CD9: variants seen among roughly 807,000 people sequenced by gnomAD.
CD9 encodes the protein CD9 antigen.
In CD9, 10 loss-of-function variants were observed where a neutral mutation model predicts 31.4. The observed-to-expected ratio is 0.32, with a 90% CI of 0.20 to 0.54. The LOEUF (loss-of-function observed/expected upper bound fraction) is 0.54, where lower values mean the gene tolerates loss of function less well. Among genes scored for constraint, CD9 ranks in the 20% least tolerant of loss-of-function variants. The pLI, the probability that CD9 is intolerant of heterozygous loss-of-function variation, is 0.94. For synonymous variants in CD9, 113 were observed against 114.1 expected (o/e 0.99, Z 0.06); for missense variants, 259 against 300.1 (o/e 0.86, Z 1.01).
rs1400769006 is a variant in CD9, at chr12:6,232,269, G to A, written c.176-363G>A. 2 of 351,174 alleles carry A rather than the reference G, an allele frequency of 5.7e-6. No individual in the cohort carries two copies. Among genetic ancestry groups the A allele is most frequent in the African/African-American group, 4.3e-5 (2 of 46,788 alleles). 21.8% of individuals were successfully genotyped at this position (351,174 alleles called of 1,614,324 possible). A position where few individuals can be genotyped will look rare whatever the true frequency, so the allele number is the denominator to read the frequency against. ...AGGTATATGCTAACTAGCTTGAGTG[G>A]ATTCATCTTGCTGGAAAGAGCTGAC... On this transcript the variant is annotated intron_variant, in intron 2 of 7. Transcript: ENST00000009180. The surrounding 1 kb of genome is among the most constrained non-coding windows in gnomAD (Gnocchi z 4.8).
chr12:6,227,350 C>T (rs1483684107), intron 2 of CD9, among the ~76,000 whole-genome samples: 2 of 152,096 alleles, frequency 1.3e-5, no homozygotes, highest in Non-Finnish European at 2.9e-5. Context: ...AGGCATGTGC[C>T]ACCATGCCCA....
At chr12:6,226,559 C>T (rs1352242461) in intron 2 of CD9, among the ~76,000 whole-genome samples, 1 of 152,178 alleles carries the variant, frequency 6.6e-6, no homozygotes, top group African/African-American at 2.4e-5. Flanking sequence ...GTAGACCTTC[C>T]CTTTCCCACC....
Position 6,236,283 on chromosome 12 carries a change from G to A in CD9, c.621+8G>A. On this transcript the variant is annotated splice_region_variant and intron_variant, in intron 7 of 7. Coordinates refer to ENST00000009180, the MANE Select transcript of CD9 (RefSeq NM_001769.4). ...GGCATTGCCGTGGTCATGGTGAGTGGCAGGACGTCGTCCCAGGAGGGGGAC... is the reference window on the plus strand; with the variant it reads ...GGCATTGCCGTGGTCATGGTGAGTGACAGGACGTCGTCCCAGGAGGGGGAC... 1 of 1,613,490 alleles carries A rather than the reference G, an allele frequency of 6.2e-7. No homozygotes were observed. The highest frequency in any genetic ancestry group is 1.7e-5 in the Admixed American group (1 of 60,034).
rs1252864557 is a variant in CD9 at position 6,233,188 on chromosome 12, T to C, written c.274-224T>C. 7 of 643,026 alleles carry C rather than the reference T, an allele frequency of 1.1e-5. No homozygotes were observed. In the Admixed American group the frequency reaches 1.7e-4, roughly 16 times the overall value. 39.8% of individuals were successfully genotyped at this position (643,026 alleles called of 1,614,324 possible). ...AGTTCTGGGCTCAGCTGTGCTCAGC[T>C]CTTTCCTCATGTCCGGGCACCTTGC... On this transcript the variant is annotated intron_variant, in intron 3 of 7. Coordinates refer to ENST00000009180, the MANE Select transcript of CD9 (RefSeq NM_001769.4).
intron 1 of CD9, among the ~76,000 whole-genome samples, chr12:6,223,452 G>A (rs1453763459): frequency 9.2e-5 from 14 of 152,154 alleles, no homozygotes; most frequent in Admixed American, 5.9e-4. Context: ...TAGTGGAGAC[G>A]GGGTTTCACT....
chr12:6,213,448 G>T (rs944991715), intron 1 of CD9, among the ~76,000 whole-genome samples: 1 of 152,198 alleles, frequency 6.6e-6, no homozygotes, highest in Admixed American at 6.5e-5. Flanking sequence ...TGCTGGAAGC[G>T]CCTGTAAGAA....
intron 4 of CD9, among the ~76,000 whole-genome samples, 156 bp downstream of exon 4, chr12:6,233,642 C>T (rs997385845): frequency 6.6e-6 from 1 of 152,178 alleles, no homozygotes; most frequent in Non-Finnish European, 1.5e-5. Context: ...AATGTGCCCT[C>T]CTCGGGGCAG....
At chr12:6,231,559 C>T (rs1946446977) in intron 2 of CD9, among the ~76,000 whole-genome samples, 1 of 152,216 alleles carries the variant, frequency 6.6e-6, no homozygotes, top group Admixed American at 6.5e-5. Flanking sequence ...GCTGTGGCTT[C>T]TCAAGAATAG....
At chr12:6,200,320 T>A (rs1946060126), upstream of CD9, 2 of 372,600 alleles carry the variant, frequency 5.4e-6, no homozygotes, top group Non-Finnish European at 9.6e-6. Flanking sequence ...GGGCGGCTTT[T>A]CCCGGCACAT....
chr12:6,233,017 T>C (rs1946470088), intron 3 of CD9: 1 of 702,316 alleles, frequency 1.4e-6, no homozygotes, highest in East Asian at 2.7e-5. Flanking sequence ...TACCTTTGCC[T>C]TCTCCTTCTT....
In CD9 at chr12:6,202,698, CT is replaced by C. The variant is rs576528040; in HGVS notation, c.66+2134del. ...CCACCCCACTCGTATTCAGAACCCC[CT>C]ATGCCTGGCCCCAGCCTAGGTGCAG... On this transcript the variant is annotated intron_variant, in intron 1 of 7. Coordinates refer to ENST00000009180, the MANE Select transcript of CD9 (RefSeq NM_001769.4). Among the ~76,000 whole-genome samples, 94 of 152,332 alleles carry C rather than the reference CT, an allele frequency of 6.2e-4. 1 individual carries two copies. In the South Asian group the frequency reaches 0.019, roughly 31 times the overall value.
intron 1 of CD9, among the ~76,000 whole-genome samples, chr12:6,217,016 A>T (rs537855622): frequency 6.6e-6 from 1 of 152,328 alleles, no homozygotes; most frequent in African/African-American, 2.4e-5. Context: ...CAGGACAGGT[A>T]TCATACTGTT....
chr12:6,235,415 C>T, intron 5 of CD9, 61 bp from the exon 6 acceptor site: 1 of 1,613,848 alleles, frequency 6.2e-7, no homozygotes, highest in Non-Finnish European at 8.5e-7. Context: ...CCAGTGCAAA[C>T]ATTCTAATCG....
In CD9 at chr12:6,232,407, G is replaced by A. The variant is rs1269104979; in HGVS notation, c.176-225G>A. On this transcript the variant is annotated intron_variant, in intron 2 of 7. Transcript: ENST00000009180. The surrounding 1 kb of genome is among the most constrained non-coding windows in gnomAD (Gnocchi z 4.8). The stretch of plus-strand genomic sequence containing the variant: ...GGCTGAGGGTAAGGTAGGAGCGTGA[G>A]CTTGATGAAGCAGAGTCATGCAAGA... 2 of 600,678 alleles carry A rather than the reference G, an allele frequency of 3.3e-6. No individual in the cohort carries two copies. Among genetic ancestry groups the A allele is most frequent in the African/African-American group, 1.9e-5 (1 of 53,912 alleles). 37.2% of individuals were successfully genotyped at this position (600,678 alleles called of 1,614,324 possible). A position where few individuals can be genotyped will look rare whatever the true frequency, so the allele number is the denominator to read the frequency against.
chr12:6,218,237 A>AG (rs1946261343), intron 1 of CD9, among the ~76,000 whole-genome samples: 1 of 151,992 alleles, frequency 6.6e-6, no homozygotes, highest in East Asian at 1.9e-4. Context: ...CAAAAAAAAA[A>AG]AAGTGTATGG....
intron 1 of CD9, among the ~76,000 whole-genome samples, chr12:6,201,882 T>TA (rs1177116678): frequency 4.0e-5 from 6 of 151,810 alleles, no homozygotes; most frequent in Non-Finnish European, 7.4e-5. Flanking sequence ...CACAAAAAAA[T>TA]AAAAAATTAG....
intron 1 of CD9, among the ~76,000 whole-genome samples, chr12:6,211,618 G>T (rs1946195059): frequency 6.6e-6 from 1 of 152,254 alleles, no homozygotes; most frequent in African/African-American, 2.4e-5. Flanking sequence ...GTGTCAGCAA[G>T]AGTGTGTGCA....
rs898839608 is a variant in CD9 at position 6,233,313 on chromosome 12, C to T, written c.274-99C>T. On this transcript the variant is annotated intron_variant, in intron 3 of 7. Coordinates refer to ENST00000009180, the MANE Select transcript of CD9 (RefSeq NM_001769.4). ...TCATTTGTGTCACCAGATGCCTGTT[C>T]CCAGGGAGTTGTCCTTCTTCCTTGT... 8.8e-5 allele frequency: 74 copies of T among 843,438 alleles called. 1 individual carries two copies. In the South Asian group the frequency reaches 1.0e-3, roughly 12 times the overall value. 52.2% of individuals were successfully genotyped at this position (843,438 alleles called of 1,614,324 possible). A position where few individuals can be genotyped will look rare whatever the true frequency, so the allele number is the denominator to read the frequency against.
intron 1 of CD9, among the ~76,000 whole-genome samples, chr12:6,219,162 C>G (rs183049894): frequency 8.5e-4 from 129 of 152,116 alleles, no homozygotes; most frequent in African/African-American, 3.0e-3. Flanking sequence ...CACACCACCA[C>G]GCCCGGCTAA....
Sources: gnomAD v4.1 joint callset for allele counts (sites outside exome capture counted in the v4.1 genomes callset) on GRCh38, gnomAD v4.1.1 for gene constraint, Gnocchi (gnomAD v3.1) non-coding constraint, MANE v1.5 for transcripts, NCBI Gene and HGNC (gene_info 2026-07-23, HGNC 2026-07-21) for gene names.